The following CACNA1B variants were observed in gnomAD, a reference collection of about 807,000 sequenced individuals.
The protein encoded by CACNA1B is voltage-dependent N-type calcium channel subunit alpha-1B.
Under a neutral mutation model 247.2 loss-of-function variants are expected in CACNA1B, and 70 were observed. The observed-to-expected ratio is 0.28, with a 90% CI of 0.23 to 0.35. The LOEUF (loss-of-function observed/expected upper bound fraction) is 0.35, where lower values mean the gene tolerates loss of function less well. Among genes scored for constraint, CACNA1B ranks in the 10% least tolerant of loss-of-function variants. CACNA1B has a pLI of 1.00. For synonymous variants in CACNA1B, 1,231 were observed against 1,294.4 expected (o/e 0.95, Z 1.05); for missense variants, 2,367 against 3,197.4 (o/e 0.74, Z 6.26).
Position 138,104,389 on chromosome 9 carries a change from C to T in CACNA1B, c.5320-1310C>T, listed in dbSNP as rs566259158. Among the ~76,000 whole-genome samples the T allele has an allele frequency of 3.0e-4, 46 of 152,280 alleles. No homozygotes were observed. The East Asian group carries it at 5.0e-3, about 17-fold the overall frequency. ...CACTGCTATCCCCAACGCCCCCCAA[C>T]GCCTGCCCTGTGGGAGAGGAATTCC... On this transcript the variant is annotated intron_variant, in intron 38 of 46. Coordinates refer to ENST00000371372, the MANE Select transcript of CACNA1B (RefSeq NM_000718.4).
At chr9:137,966,635 T>C (rs1345329296) in intron 10 of CACNA1B, among the ~76,000 whole-genome samples, 2 of 151,684 alleles carry the variant, frequency 1.3e-5, no homozygotes, top group Non-Finnish European at 2.9e-5. Flanking sequence ...GCCTCCTGGG[T>C]TCAAGCCATT....
chr9:137,933,420 T>C (rs778857612), intron 6 of CACNA1B, among the ~76,000 whole-genome samples: 23 of 152,214 alleles, frequency 1.5e-4, no homozygotes, highest in Non-Finnish European at 2.5e-4. Context: ...AAGTGGCACC[T>C]GCAATTTTAG....
intron 20 of CACNA1B, chr9:138,040,768 C>G (rs1283214431): frequency 5.4e-6 from 1 of 183,820 alleles, no homozygotes; most frequent in Non-Finnish European, 1.2e-5. Context: ...GTCTGCCTTC[C>G]GCAGCCCACT....
intron 3 of CACNA1B, among the ~76,000 whole-genome samples, chr9:137,894,319 T>TG (rs1317951701): frequency 6.6e-6 from 1 of 150,594 alleles, no homozygotes; most frequent in African/African-American, 2.5e-5. Context: ...TTTTTTTTTT[T>TG]TTTTTGATTC....
At chr9:138,060,876 C>A (rs1454646904) in intron 31 of CACNA1B, among the ~76,000 whole-genome samples, 4 of 152,124 alleles carry the variant, frequency 2.6e-5, no homozygotes, top group African/African-American at 9.7e-5. Context: ...GTTCCCCCCA[C>A]CCTTTCTAGA....
rs1208695868 is a variant in CACNA1B at position 138,058,828 on chromosome 9, C to G, written c.4473+95C>G. The G allele has an allele frequency of 8.5e-7, 1 of 1,173,890 alleles. No individual in the cohort carries two copies. The highest frequency in any genetic ancestry group is 1.5e-5 in the African/African-American group (1 of 64,684). The allele number at this position is 1,173,890 out of a possible 1,614,324, so 72.7% of individuals were successfully genotyped here. On this transcript the variant is annotated intron_variant, in intron 29 of 46. Transcript: ENST00000371372. This position sits in a 1 kb window ranked among gnomAD's most constrained non-coding sequence, Gnocchi z 4.7. Reference sequence around the variant, plus strand: ...GGAGAGTCAGCCTTCTTCCTCCCTGCATGAGCCAAAGCAGTAGTGGCCTTG... The same window carrying G: ...GGAGAGTCAGCCTTCTTCCTCCCTGGATGAGCCAAAGCAGTAGTGGCCTTG...
chr9:137,951,760 C>T (rs1489925568), intron 6 of CACNA1B, among the ~76,000 whole-genome samples: 1 of 152,148 alleles, frequency 6.6e-6, no homozygotes, highest in Non-Finnish European at 1.5e-5. Context: ...TCAGGCCAGG[C>T]ATGTGGTGAA....
At chr9:138,097,919 C>T (rs10867106) in intron 37 of CACNA1B, among the ~76,000 whole-genome samples, 4 of 151,976 alleles carry the variant, frequency 2.6e-5, no homozygotes, top group South Asian at 2.1e-4. Context: ...TCAGCCTCCC[C>T]GGAGCACCCC....
intron 35 of CACNA1B, 74 bp from the exon 36 acceptor site, chr9:138,078,040 C>A: frequency 1.4e-6 from 2 of 1,419,244 alleles, no homozygotes; most frequent in Admixed American, 1.9e-5. Flanking sequence ...GGAGTGGGCA[C>A]GCTTGGTAGC....
intron 37 of CACNA1B, among the ~76,000 whole-genome samples, chr9:138,101,510 G>T (rs1465515368): frequency 6.6e-6 from 1 of 152,234 alleles, no homozygotes; most frequent in African/African-American, 2.4e-5. Context: ...TTTCCTCCGA[G>T]CTCTCGAGAG....
intron 1 of CACNA1B, among the ~76,000 whole-genome samples, chr9:137,878,668 A>G (rs1364497205): frequency 1.3e-5 from 2 of 152,088 alleles, no homozygotes; most frequent in African/African-American, 4.8e-5. Flanking sequence ...GTGTAGGTAC[A>G]TGTGGCTGCG....
rs1205069344 is a variant in CACNA1B, at chr9:138,012,321, A to G, written c.2161-808A>G. Among the ~76,000 whole-genome samples the G allele has an allele frequency of 6.6e-6, 1 of 152,186 alleles. No homozygotes were observed. The highest frequency in any genetic ancestry group is 2.4e-5 in the African/African-American group (1 of 41,450). On this transcript the variant is annotated intron_variant, in intron 17 of 46. Transcript: ENST00000371372. The surrounding 1 kb of genome is among the most constrained non-coding windows in gnomAD (Gnocchi z 4.2). ...GGCAGTGCTGGGTCAGGACTTAGCC[A>G]CAGGTGCAGAGCCTCTTGCCCTTGC...
intron 10 of CACNA1B, among the ~76,000 whole-genome samples, chr9:137,970,714 T>G (rs1172818572): frequency 6.6e-6 from 1 of 151,914 alleles, no homozygotes; most frequent in Admixed American, 6.6e-5. Flanking sequence ...ACTTGGGATA[T>G]TGTGTGAAGG....
chr9:137,936,760 T>C (rs960007687), intron 6 of CACNA1B, among the ~76,000 whole-genome samples: 3 of 152,242 alleles, frequency 2.0e-5, no homozygotes, highest in African/African-American at 7.2e-5. Context: ...TTCTTGTTTT[T>C]ATCAGGTTTG....
At position 138,046,861 on chromosome 9, in the gene CACNA1B, C is replaced by CT. The variant is rs1275825748; in HGVS notation, c.3414-43_3414-42insT. On this transcript the variant is annotated intron_variant, in intron 21 of 46. Coordinates refer to ENST00000371372, the MANE Select transcript of CACNA1B (RefSeq NM_000718.4). ...CTGCCCTGTGGCAAGGGGTGGCGCGCCCGGCTGGGGGGCCTTGTGGTGATC... is the reference window on the plus strand; with the variant it reads ...CTGCCCTGTGGCAAGGGGTGGCGCGCTCCGGCTGGGGGGCCTTGTGGTGATC... 4.4e-6 allele frequency: 7 copies of CT among 1,592,354 alleles called. No individual in the cohort carries two copies. In the Admixed American group the frequency reaches 1.2e-4, roughly 27 times the overall value.
intron 31 of CACNA1B, among the ~76,000 whole-genome samples, chr9:138,067,911 AG>A: frequency 6.6e-6 from 1 of 151,612 alleles, no homozygotes; most frequent in East Asian, 1.9e-4. Context: ...CCGACCAAAC[AG>A]AGGCATCTGA....
intron 12 of CACNA1B, among the ~76,000 whole-genome samples, chr9:137,983,002 T>A (rs1164465604): frequency 6.6e-6 from 1 of 152,178 alleles, no homozygotes; most frequent in Non-Finnish European, 1.5e-5. Flanking sequence ...GTTAACAGAT[T>A]AGTGTCAATC....
intron 26 of CACNA1B, among the ~76,000 whole-genome samples, chr9:138,056,958 C>T (rs373812540): frequency 0.014 from 1,354 of 97,146 alleles, 21 homozygotes; most frequent in African/African-American, 0.062. Flanking sequence ...TTTTTTGAGA[C>T]GGAGTCTCGC....
rs912345896 is a variant in CACNA1B, at chr9:137,954,467, G to A, written c.1071-1231G>A. ...GGCTGGCCCTGCTGCCGGCCACTGC[G>A]TGAGAAGCAGCTGCTCTGTGGAGGG... On this transcript the variant is annotated intron_variant, in intron 7 of 46. Coordinates refer to ENST00000371372, the MANE Select transcript of CACNA1B (RefSeq NM_000718.4). The surrounding 1 kb of genome is among the most constrained non-coding windows in gnomAD (Gnocchi z 4.1). Among the ~76,000 whole-genome samples the A allele has an allele frequency of 6.6e-6, 1 of 152,304 alleles. No homozygotes were observed. Among genetic ancestry groups the A allele is most frequent in the African/African-American group, 2.4e-5 (1 of 41,572 alleles).
Sources: allele counts gnomAD v4.1 joint callset (sites outside exome capture counted in the v4.1 genomes callset), GRCh38; gene constraint gnomAD v4.1.1; non-coding constraint Gnocchi (gnomAD v3.1); transcripts MANE v1.5; gene names NCBI Gene and HGNC (gene_info 2026-07-23, HGNC 2026-07-21).